ADGRL3: variants seen among roughly 807,000 people sequenced by gnomAD.
The protein encoded by ADGRL3 is adhesion G protein-coupled receptor L3, also known as calcium-independent alpha-latrotoxin receptor 3.
In ADGRL3, 62 loss-of-function variants were observed where a neutral mutation model predicts 153.5. The ratio of observed to expected loss-of-function variants is 0.40; its 90% confidence interval spans 0.33 to 0.50. The LOEUF is 0.50. Ranked by LOEUF, ADGRL3 falls within the 20% of genes least tolerant of loss-of-function variation. The pLI, the probability that ADGRL3 is intolerant of heterozygous loss-of-function variation, is 0.47. For synonymous variants in ADGRL3, 710 were observed against 672.5 expected, an observed-to-expected ratio of 1.06 and a Z score of -0.86; for missense variants, 1,641 against 1,859.4, an observed-to-expected ratio of 0.88 and a Z score of 2.16.
intron 3 of ADGRL3, among the ~76,000 whole-genome samples, chr4:61,510,607 C>T (rs2098458393): frequency 6.6e-6 from 1 of 152,056 alleles, no homozygotes; most frequent in African/African-American, 2.4e-5. Flanking sequence ...CTATTCTGTT[C>T]TATTGTTCTA....
intron 1 of ADGRL3, among the ~76,000 whole-genome samples, chr4:61,333,055 G>T (rs1222508982): frequency 1.3e-5 from 2 of 151,910 alleles, no homozygotes; most frequent in East Asian, 3.9e-4. Context: ...AACTTAAAAA[G>T]CTGTCTCCTT....
In ADGRL3 at chr4:61,296,558, G is replaced by C. The variant is rs148836910; in HGVS notation, c.-239-86566G>C. Among the ~76,000 whole-genome samples the C allele has an allele frequency of 7.9e-3, 1,201 of 152,266 alleles. 7 individuals carry two copies. The highest frequency in any genetic ancestry group is 0.012 in the Non-Finnish European group (813 of 68,030). ...CTTAAGGATTTAAAATCCATGCACA[G>C]TATGGATAATAGATACTGGATTAGA... On this transcript the variant is annotated intron_variant, in intron 1 of 26. Transcript: ENST00000683033.
At chr4:62,023,707 AC>A (rs1277502550) in intron 21 of ADGRL3, among the ~76,000 whole-genome samples, 1 of 152,140 alleles carries the variant, frequency 6.6e-6, no homozygotes, top group African/African-American at 2.4e-5. Flanking sequence ...GAATATGGTA[AC>A]TTTTTTTTAA....
At chr4:61,389,983 C>CT (rs555108582) in intron 2 of ADGRL3, among the ~76,000 whole-genome samples, 1 of 152,088 alleles carries the variant, frequency 6.6e-6, no homozygotes, top group Non-Finnish European at 1.5e-5. Flanking sequence ...AACAATAATA[C>CT]TTTTTTTCCC....
intron 25 of ADGRL3, among the ~76,000 whole-genome samples, chr4:62,067,401 G>T (rs1241921286): frequency 6.6e-6 from 1 of 151,956 alleles, no homozygotes; most frequent in Non-Finnish European, 1.5e-5. Flanking sequence ...CTCTCAAAAT[G>T]TTTGATTGCA....
intron 5 of ADGRL3, among the ~76,000 whole-genome samples, chr4:61,663,479 G>C (rs1431257511): frequency 1.3e-5 from 2 of 152,220 alleles, no homozygotes; most frequent in Non-Finnish European, 2.9e-5. Flanking sequence ...GTGCCTGGTG[G>C]TGTGCAGCGG....
chr4:61,203,506 G>C (rs1400465635), intron 1 of ADGRL3, among the ~76,000 whole-genome samples: 2 of 152,194 alleles, frequency 1.3e-5, no homozygotes, highest in Non-Finnish European at 2.9e-5. Context: ...GGGAAATGAG[G>C]AGACGCATAG....
At chr4:61,654,721 A>AC (rs527949092) in intron 5 of ADGRL3, among the ~76,000 whole-genome samples, 23 of 152,010 alleles carry the variant, frequency 1.5e-4, no homozygotes, top group African/African-American at 5.1e-4. Flanking sequence ...AGATGGTGAA[A>AC]CCCCATCTCT....
intron 25 of ADGRL3, among the ~76,000 whole-genome samples, chr4:62,060,660 C>T (rs991775159): frequency 6.6e-6 from 1 of 151,710 alleles, no homozygotes; most frequent in Non-Finnish European, 1.5e-5. Context: ...CAGACTAAAT[C>T]CTCTTATTAA....
chr4:61,790,500 C>A (rs2097328926), intron 8 of ADGRL3, among the ~76,000 whole-genome samples: 2 of 151,872 alleles, frequency 1.3e-5, no homozygotes, highest in South Asian at 4.2e-4. Flanking sequence ...AGATTAACAA[C>A]CATAATTAAT....
intron 9 of ADGRL3, among the ~76,000 whole-genome samples, chr4:61,836,473 T>C (rs1581070303): frequency 6.6e-6 from 1 of 152,074 alleles, no homozygotes; most frequent in African/African-American, 2.4e-5. Context: ...TAATGTTAAA[T>C]GGTTGATATG....
At position 61,670,693 on chromosome 4, in the gene ADGRL3, C is replaced by G. The variant is rs151187056; in HGVS notation, c.474-6133C>G. Among the ~76,000 whole-genome samples, 162 of 152,216 alleles carry G rather than the reference C, an allele frequency of 1.1e-3. 2 individuals are homozygous for G. The East Asian group carries it at 0.03, about 28-fold the overall frequency. On this transcript the variant is annotated intron_variant, in intron 5 of 26. Transcript: ENST00000683033. ...GATGGTTGCAAAAAATGATGCTGAG[C>G]TCTAGGTCTTTTATGTGTCAGAAAA...
At chr4:61,741,338 A>G (rs1561156503) in intron 8 of ADGRL3, among the ~76,000 whole-genome samples, 2 of 152,234 alleles carry the variant, frequency 1.3e-5, no homozygotes. Context: ...TTTAATTTAC[A>G]TCTATCTTAG....
Position 61,966,113 on chromosome 4 carries a change from A to G in ADGRL3, c.2806-13450A>G, listed in dbSNP as rs185667338. Among the ~76,000 whole-genome samples, 448 of 152,336 alleles carry G rather than the reference A, an allele frequency of 2.9e-3. 2 individuals are homozygous for G. Among genetic ancestry groups the G allele is most frequent in the Non-Finnish European group, 4.6e-3 (312 of 68,026 alleles). On this transcript the variant is annotated intron_variant, in intron 17 of 26. Coordinates refer to ENST00000683033, the MANE Select transcript of ADGRL3 (RefSeq NM_001387552.1). The stretch of plus-strand genomic sequence containing the variant: ...AATATTCTTTTTTTCTGAAATTGCT[A>G]TAGCTAAGAAAATCAAATGAAAATG...
chr4:61,566,121 C>T (rs1332838276), intron 4 of ADGRL3, among the ~76,000 whole-genome samples: 1 of 152,178 alleles, frequency 6.6e-6, no homozygotes, highest in Non-Finnish European at 1.5e-5. Context: ...AAACTGGGTG[C>T]CTTAAAAATA....
intron 24 of ADGRL3, 135 bp from the exon 25 acceptor site, chr4:62,044,318 A>G (rs1388826662): frequency 1.6e-6 from 1 of 644,304 alleles, no homozygotes; most frequent in Non-Finnish European, 2.8e-6. Flanking sequence ...ACTGTACTGC[A>G]AACATGTAGT....
Position 61,813,904 on chromosome 4 carries a change from A to T in ADGRL3, c.1480+15A>T. On this transcript the variant is annotated intron_variant, in intron 9 of 26. Coordinates refer to ENST00000683033, the MANE Select transcript of ADGRL3 (RefSeq NM_001387552.1). Reference sequence around the variant, plus strand: ...CTCTGTTAAAGGTGAGTTTTTCTTTATATGAAGAAAAAGTAACTCTGCTCA... The same window carrying T: ...CTCTGTTAAAGGTGAGTTTTTCTTTTTATGAAGAAAAAGTAACTCTGCTCA... 6.2e-7 allele frequency: 1 copy of T among 1,611,286 alleles called. No individual in the cohort carries two copies. Among genetic ancestry groups the T allele is most frequent in the Non-Finnish European group, 8.5e-7 (1 of 1,177,906 alleles).
chr4:61,661,078 T>C (rs1279564149), intron 5 of ADGRL3, among the ~76,000 whole-genome samples: 1 of 152,082 alleles, frequency 6.6e-6, no homozygotes, highest in African/African-American at 2.4e-5. Context: ...CTGATTAAAA[T>C]TACAATTAAG....
chr4:61,518,762 A>C (rs1376291762), intron 4 of ADGRL3, among the ~76,000 whole-genome samples: 1 of 152,194 alleles, frequency 6.6e-6, no homozygotes, highest in Non-Finnish European at 1.5e-5. Flanking sequence ...AGGCCATGCA[A>C]TACCATAGAA....
Sources: allele counts gnomAD v4.1 joint callset (sites outside exome capture counted in the v4.1 genomes callset), GRCh38; gene constraint gnomAD v4.1.1; transcripts MANE v1.5; gene names NCBI Gene and HGNC (gene_info 2026-07-23, HGNC 2026-07-21).